DNM3: variants seen among roughly 807,000 people sequenced by gnomAD.
DNM3 encodes dynamin-3.
In DNM3, 47 loss-of-function variants were observed where a neutral mutation model predicts 101.6. That is an observed-to-expected ratio of 0.46 (90% CI 0.37 to 0.59). The LOEUF is 0.59. Among genes scored for constraint, DNM3 ranks in the 20% least tolerant of loss-of-function variants. The pLI is 0.00. For missense variants in DNM3, 849 were observed against 1,085.7 expected, an observed-to-expected ratio of 0.78 and a Z score of 3.06; for synonymous variants, 385 against 387.9, an observed-to-expected ratio of 0.99 and a Z score of 0.09.
intron 1 of DNM3, among the ~76,000 whole-genome samples, chr1:171,853,974 C>T (rs2125009615): frequency 6.6e-6 from 1 of 152,268 alleles, no homozygotes; most frequent in East Asian, 1.9e-4. Context: ...TATGCAATGG[C>T]AATTTCTGAT....
intron 1 of DNM3, among the ~76,000 whole-genome samples, chr1:171,883,461 CTTTTTCT>C (rs2036499289): frequency 6.6e-6 from 1 of 150,378 alleles, no homozygotes; most frequent in South Asian, 2.1e-4. Flanking sequence ...TTTGATTCCT[CTTTTTCT>C]TTTTTCTTTC....
chr1:172,068,937 G>A, intron 11 of DNM3, 32 bp downstream of exon 11: 6 of 1,540,098 alleles, frequency 3.9e-6, no homozygotes, highest in Non-Finnish European at 5.3e-6. Context: ...TGGGCAGGGA[G>A]ATTGTGGGAG....
chr1:171,928,439 C>A (rs2040749301), intron 2 of DNM3, among the ~76,000 whole-genome samples: 2 of 152,042 alleles, frequency 1.3e-5, no homozygotes, highest in Admixed American at 1.3e-4. Context: ...GGGGGCTCCA[C>A]CCCAGAGAGA....
intron 2 of DNM3, among the ~76,000 whole-genome samples, chr1:171,966,641 G>A (rs2043607481): frequency 6.6e-6 from 1 of 152,158 alleles, no homozygotes. Context: ...ACACAATAGA[G>A]TCATACACAT....
At chr1:172,367,579 G>A (rs578054289) in intron 17 of DNM3, among the ~76,000 whole-genome samples, 2 of 151,822 alleles carry the variant, frequency 1.3e-5, no homozygotes, top group African/African-American at 4.8e-5. Context: ...ACAAGATTAA[G>A]TCCTCTCCTA....
At chr1:172,035,993 T>C (rs1454453380) in intron 6 of DNM3, among the ~76,000 whole-genome samples, 2 of 152,012 alleles carry the variant, frequency 1.3e-5, no homozygotes, top group African/African-American at 4.8e-5. Context: ...ACTTTTTTTT[T>C]CTTTTTTTAT....
At chr1:172,025,860 A>G (rs2048169172) in intron 4 of DNM3, among the ~76,000 whole-genome samples, 1 of 152,222 alleles carries the variant, frequency 6.6e-6, no homozygotes, top group African/African-American at 2.4e-5. Context: ...AAAGCAGTGC[A>G]AAAAGGCTGA....
intron 14 of DNM3, among the ~76,000 whole-genome samples, chr1:172,161,376 A>G (rs1161360456): frequency 1.3e-5 from 2 of 151,966 alleles, no homozygotes; most frequent in Admixed American, 6.6e-5. Context: ...CTTCAGCATT[A>G]TGAGACACTT....
chr1:172,358,779 G>A (rs2067580344), intron 17 of DNM3, among the ~76,000 whole-genome samples: 1 of 152,006 alleles, frequency 6.6e-6, no homozygotes, highest in Non-Finnish European at 1.5e-5. Flanking sequence ...TAAAGGGAAT[G>A]TTGCCACTGG....
chr1:172,066,094 G>C (rs772182896), intron 10 of DNM3, among the ~76,000 whole-genome samples: 4 of 152,126 alleles, frequency 2.6e-5, no homozygotes, highest in African/African-American at 7.2e-5. Flanking sequence ...AACTCCTTAT[G>C]AGTTTGGAGA....
chr1:172,384,245 C>A (rs915106308), intron 18 of DNM3, among the ~76,000 whole-genome samples: 2 of 152,116 alleles, frequency 1.3e-5, no homozygotes, highest in African/African-American at 2.4e-5. Flanking sequence ...AAAATGTTAA[C>A]CTCTATGCCC....
At chr1:172,403,602 AAT>A (rs1165627805) in intron 20 of DNM3, among the ~76,000 whole-genome samples, 1 of 152,086 alleles carries the variant, frequency 6.6e-6, no homozygotes, top group African/African-American at 2.4e-5. Context: ...TTTCTTACAA[AAT>A]TTGTCATTGT....
chr1:172,321,393 C>T (rs1225030253), intron 16 of DNM3, among the ~76,000 whole-genome samples: 1 of 152,132 alleles, frequency 6.6e-6, no homozygotes, highest in African/African-American at 2.4e-5. Context: ...AGCTACATGG[C>T]CAATTCTGAA....
chr1:172,081,233 A>T (rs149091327), intron 11 of DNM3, among the ~76,000 whole-genome samples: 1 of 152,094 alleles, frequency 6.6e-6, no homozygotes, highest in African/African-American at 2.4e-5. Context: ...AGTAGCTGGG[A>T]CTATAGGCAC....
At chr1:171,898,464 TA>T (rs1160096982) in intron 1 of DNM3, among the ~76,000 whole-genome samples, 2 of 152,268 alleles carry the variant, frequency 1.3e-5, no homozygotes, top group African/African-American at 4.8e-5. Context: ...TAGAGATTTA[TA>T]AAATTTAATC....
At chr1:172,024,693 C>T (rs2048075503) in intron 4 of DNM3, among the ~76,000 whole-genome samples, 1 of 151,968 alleles carries the variant, frequency 6.6e-6, no homozygotes, top group African/African-American at 2.4e-5. Flanking sequence ...CTGGGAAGCG[C>T]ATGGGGTTGG....
At chr1:171,994,783 T>TAAAAAAAAA (rs2045882795) in intron 4 of DNM3, among the ~76,000 whole-genome samples, 2 of 152,050 alleles carry the variant, frequency 1.3e-5, no homozygotes, top group Non-Finnish European at 2.9e-5. Flanking sequence ...TGCCACTGAT[T>TAAAAAAAAA]ATTTTTGACA....
intron 1 of DNM3, among the ~76,000 whole-genome samples, chr1:171,895,690 G>A (rs1442618041): frequency 6.6e-6 from 1 of 152,084 alleles, no homozygotes; most frequent in Non-Finnish European, 1.5e-5. Flanking sequence ...TGCTTTTGGT[G>A]TTTTAGTCAT....
chr1:172,281,030 T>A (rs1268615377), intron 15 of DNM3, among the ~76,000 whole-genome samples: 1 of 152,082 alleles, frequency 6.6e-6, no homozygotes, highest in African/African-American at 2.4e-5. Context: ...AGAGACTCTT[T>A]ATAACTGGAA....
Sources: gnomAD v4.1 joint callset for allele counts (sites outside exome capture counted in the v4.1 genomes callset) on GRCh38, gnomAD v4.1.1 for gene constraint, MANE v1.5 for transcripts, NCBI Gene and HGNC (gene_info 2026-07-23, HGNC 2026-07-21) for gene names.